EBF1: variants seen among roughly 807,000 people sequenced by gnomAD.
EBF1 encodes EBF transcription factor 1.
A neutral mutation model predicts 68.4 loss-of-function variants in EBF1; 10 were observed. The observed-to-expected ratio is 0.15, with a 90% confidence interval of 0.09 to 0.25. EBF1 has a LOEUF of 0.25. EBF1 is among the 10% of genes least tolerant of loss of function. The probability of loss-of-function intolerance (pLI) is 1.00; values close to 1 mark genes in which losing one functional copy is unlikely to be tolerated. For missense variants in EBF1, 509 were observed against 794.4 expected, an observed-to-expected ratio of 0.64 and a Z score of 4.32; for synonymous variants, 298 against 299.8, an observed-to-expected ratio of 0.99 and a Z score of 0.06.
chr5:158,775,783 GAC>G (rs58752245), intron 10 of EBF1, among the ~76,000 whole-genome samples: 25,839 of 129,216 alleles, frequency 0.2, 2,339 homozygotes, highest in Non-Finnish European at 0.23. Context: ...CATGCACACA[GAC>G]ACACACACAC....
chr5:159,016,959 A>G (rs1168625235), intron 6 of EBF1, among the ~76,000 whole-genome samples: 1 of 152,258 alleles, frequency 6.6e-6, no homozygotes, highest in African/African-American at 2.4e-5. Context: ...CAGTGAGTCC[A>G]CCAGAAATAT....
At chr5:158,945,463 C>T (rs914837606) in intron 6 of EBF1, among the ~76,000 whole-genome samples, 3 of 152,042 alleles carry the variant, frequency 2.0e-5, no homozygotes, top group Non-Finnish European at 2.9e-5. Context: ...CATGAAATTC[C>T]GAGTTGAAAA....
intron 6 of EBF1, among the ~76,000 whole-genome samples, chr5:158,843,940 G>A (rs1165024905): frequency 6.6e-6 from 1 of 152,150 alleles, no homozygotes; most frequent in Non-Finnish European, 1.5e-5. Context: ...AGATTCCGAG[G>A]GGGCTTTTAA....
At chr5:158,858,578 C>G (rs776986120) in intron 6 of EBF1, among the ~76,000 whole-genome samples, 1 of 152,156 alleles carries the variant, frequency 6.6e-6, no homozygotes, top group Non-Finnish European at 1.5e-5. Context: ...CATCAAATAT[C>G]ACATGCACTG....
At chr5:159,031,386 G>A (rs1010325949) in intron 6 of EBF1, among the ~76,000 whole-genome samples, 5 of 152,166 alleles carry the variant, frequency 3.3e-5, no homozygotes, top group African/African-American at 1.2e-4. Flanking sequence ...ACATTTGGGG[G>A]AAGCAGTAAC....
chr5:158,924,696 CA>C (rs1234649339), intron 6 of EBF1, among the ~76,000 whole-genome samples: 1 of 151,476 alleles, frequency 6.6e-6, no homozygotes, highest in African/African-American at 2.4e-5. Context: ...ACTAAAAATA[CA>C]AAAAAATTAG....
chr5:159,056,234 A>G (rs10057159), intron 6 of EBF1, among the ~76,000 whole-genome samples: 12,263 of 152,256 alleles, frequency 0.081, 526 homozygotes, highest in Middle Eastern at 0.12. Flanking sequence ...TACTGGGAAG[A>G]AAGATTTAGT....
chr5:158,956,027 AATGTGTGT>A (rs1273207281), intron 6 of EBF1, among the ~76,000 whole-genome samples: 2 of 100,140 alleles, frequency 2.0e-5, no homozygotes, highest in African/African-American at 8.1e-5. Context: ...AATAAATATA[AATGTGTGT>A]GTGTGTGTGT....
intron 6 of EBF1, among the ~76,000 whole-genome samples, chr5:158,877,876 A>G (rs1468454078): frequency 6.6e-6 from 1 of 152,030 alleles, no homozygotes; most frequent in Non-Finnish European, 1.5e-5. Flanking sequence ...TCCGGTCGCC[A>G]TATATTGCTC....
chr5:158,904,042 G>A (rs1336701271), intron 6 of EBF1, among the ~76,000 whole-genome samples: 1 of 152,032 alleles, frequency 6.6e-6, no homozygotes, highest in Non-Finnish European at 1.5e-5. Context: ...GAAGGAGTGG[G>A]GAGCTGCAAA....
intron 10 of EBF1, among the ~76,000 whole-genome samples, chr5:158,772,830 T>C (rs1173732809): frequency 6.6e-6 from 1 of 152,186 alleles, no homozygotes; most frequent in Non-Finnish European, 1.5e-5. Context: ...AAACTACTAG[T>C]ATCTAGCCTC....
At chr5:158,992,283 T>C (rs1760492939) in intron 6 of EBF1, among the ~76,000 whole-genome samples, 1 of 151,848 alleles carries the variant, frequency 6.6e-6, no homozygotes, top group African/African-American at 2.4e-5. Flanking sequence ...TGTGCTCATG[T>C]AGCAGTGGAG....
chr5:158,986,626 C>T (rs1219726577), intron 6 of EBF1, among the ~76,000 whole-genome samples: 5 of 152,132 alleles, frequency 3.3e-5, no homozygotes, highest in Non-Finnish European at 5.9e-5. Context: ...AATATTCTGC[C>T]GACCAAGCCA....
Position 159,041,167 on chromosome 5 carries a change from C to T in EBF1, c.554+32229G>A, listed in dbSNP as rs556691212. On this transcript the variant is annotated intron_variant, in intron 6 of 15. Coordinates refer to ENST00000313708, the MANE Select transcript of EBF1 (RefSeq NM_024007.5). Reference sequence around the variant, plus strand: ...AACTGAGCTTGACCAATCCCCAATGCCTTAATAAACTAACAGTATTTCTGA... The same window carrying T: ...AACTGAGCTTGACCAATCCCCAATGTCTTAATAAACTAACAGTATTTCTGA... Among the ~76,000 whole-genome samples the T allele has an allele frequency of 2.0e-5, 3 of 152,302 alleles. No homozygotes were observed. The South Asian group carries it at 6.2e-4, about 32-fold the overall frequency.
At chr5:159,007,888 G>A (rs1380494071) in intron 6 of EBF1, among the ~76,000 whole-genome samples, 1 of 152,058 alleles carries the variant, frequency 6.6e-6, no homozygotes. Context: ...AAAAATCTTA[G>A]CAACCAGATA....
chr5:158,775,553 G>A (rs968262768), intron 10 of EBF1, among the ~76,000 whole-genome samples: 41 of 151,868 alleles, frequency 2.7e-4, no homozygotes, highest in African/African-American at 8.7e-4. Context: ...TAATGTTTTC[G>A]GCCAAAAACA....
chr5:159,066,568 A>G (rs184525298), intron 6 of EBF1, among the ~76,000 whole-genome samples: 265 of 152,066 alleles, frequency 1.7e-3, no homozygotes, highest in African/African-American at 6.2e-3. Context: ...CCACCCATGA[A>G]AAATGTAACA....
chr5:158,743,120 G>T (rs1487812924), intron 10 of EBF1, among the ~76,000 whole-genome samples: 1 of 152,128 alleles, frequency 6.6e-6, no homozygotes, highest in Non-Finnish European at 1.5e-5. Context: ...CCTGTAATTG[G>T]CTACCCAAAA....
At position 159,099,412 on chromosome 5, in the gene EBF1, C is replaced by A; in HGVS notation, c.67G>T (p.Gly23Cys). ...SSMKEEPLGS[G>C]MNAVRTWMQG... The stretch of plus-strand genomic sequence containing the variant: ...ATCCACGTCCGCACCGCGTTCATGC[C>A]GCTGCCCAGCGGCTCTTCCTTCATG... The change falls in exon 1 of 16, where the codon GGC becomes TGC. Residue 23 changes from glycine to cysteine, a missense_variant. Physicochemically the swap from Gly to Cys is radical, Grantham distance 159. Around this residue, in one of 3 missense-constraint regions of EBF1, gnomAD observed 74 missense variants for 79.4 expected, o/e 0.93. Transcript: ENST00000313708. 1 of 1,602,048 alleles carries A rather than the reference C, an allele frequency of 6.2e-7. No individual in the cohort carries two copies. Among genetic ancestry groups the A allele is most frequent in the Non-Finnish European group, 8.5e-7 (1 of 1,174,332 alleles).
Sources: gnomAD v4.1 joint callset for allele counts (sites outside exome capture counted in the v4.1 genomes callset) on GRCh38, gnomAD v4.1.1 for gene constraint, gnomAD v4.1.1 regional missense constraint, MANE v1.5 for transcripts, NCBI Gene and HGNC (gene_info 2026-07-23, HGNC 2026-07-21) for gene names.